OPRM1: variants seen among roughly 807,000 people sequenced by gnomAD.
OPRM1 encodes the protein opioid receptor mu 1.
OPRM1 carries 27 observed loss-of-function variants against 31.8 expected under a neutral mutation model. That is an observed-to-expected ratio of 0.85 (90% CI 0.63 to 1.17). OPRM1 has a LOEUF of 1.17. Ranked by LOEUF, OPRM1 falls within the 50% of genes most tolerant of loss-of-function variation. The pLI is 0.00. For synonymous variants in OPRM1, 196 were observed against 189.9 expected, an observed-to-expected ratio of 1.03 and a Z score of -0.26; for missense variants, 536 against 511.1, an observed-to-expected ratio of 1.05 and a Z score of -0.47.
intron 1 of OPRM1, among the ~76,000 whole-genome samples, chr6:154,071,545 CT>C (rs1408260599): frequency 6.6e-6 from 1 of 150,870 alleles, no homozygotes; most frequent in Non-Finnish European, 1.5e-5. Context: ...AGGAATATCC[CT>C]GTAGTTTTAA....
At chr6:154,137,050 T>C (rs1350662391), downstream of OPRM1, among the ~76,000 whole-genome samples, 1 of 152,184 alleles carries the variant, frequency 6.6e-6, no homozygotes, top group African/African-American at 2.4e-5. Flanking sequence ...ACGACAACCT[T>C]AGACAGTAAT....
At chr6:154,244,803 C>T (rs545892025) in intron 3 of OPRM1, among the ~76,000 whole-genome samples, 4 of 152,290 alleles carry the variant, frequency 2.6e-5, no homozygotes, top group South Asian at 2.1e-4. Flanking sequence ...ATTTGATTCC[C>T]GGAGAAGATG....
chr6:154,059,924 T>C (rs180678675), intron 1 of OPRM1, among the ~76,000 whole-genome samples: 67 of 152,334 alleles, frequency 4.4e-4, no homozygotes, highest in African/African-American at 1.6e-3. Context: ...TTTAATTATT[T>C]TGATGCAAAG....
chr6:154,125,524 A>G lies in OPRM1; in HGVS notation c.*6803A>G, dbSNP rs539659566. Among the ~76,000 whole-genome samples, 18 of 152,352 alleles carry G rather than the reference A, an allele frequency of 1.2e-4. No homozygotes were observed. Among genetic ancestry groups the G allele is most frequent in the Admixed American group, 3.3e-4 (5 of 15,304 alleles). ...GTTTTAGGTTTTAGAGAGAGAGCAC[A>G]GAGTCCCTTTGAGACAGTGGGGAAA... On this transcript the variant is annotated 3_prime_UTR_variant, in exon 4 of 4. Coordinates refer to ENST00000330432, the MANE Select transcript of OPRM1 (RefSeq NM_000914.5).
intron 3 of OPRM1, among the ~76,000 whole-genome samples, chr6:154,225,508 T>C (rs903996642): frequency 6.6e-6 from 1 of 152,230 alleles, no homozygotes; most frequent in Non-Finnish European, 1.5e-5. Flanking sequence ...ATCTCTCGTA[T>C]GATTCAATTT....
chr6:154,143,859 G>GA (rs1798286059), intron 3 of OPRM1, among the ~76,000 whole-genome samples: 1 of 151,872 alleles, frequency 6.6e-6, no homozygotes, highest in Non-Finnish European at 1.5e-5. Flanking sequence ...AAACAATAGA[G>GA]AAAATCACTA....
chr6:154,167,974 A>G (rs1219643650), intron 3 of OPRM1: 1 of 1,609,508 alleles, frequency 6.2e-7, no homozygotes, highest in Admixed American at 1.7e-5. Flanking sequence ...TTATAGATGG[A>G]TTTTTACACC....
Position 154,039,279 on chromosome 6 carries a change from C to T in OPRM1, c.-266C>T. On this transcript the variant is annotated 5_prime_UTR_variant, in exon 1 of 4. Transcript: ENST00000330432. The stretch of plus-strand genomic sequence containing the variant: ...GCCTCCGAATCCCGCATGGCCCACG[C>T]TCCCCTCCTGCAGCGGTGCGGGGCA... 1.9e-6 allele frequency: 3 copies of T among 1,551,576 alleles called. No individual in the cohort carries two copies. The highest frequency in any genetic ancestry group is 2.6e-6 in the Non-Finnish European group (3 of 1,146,926).
chr6:154,214,915 G>C (rs1482333039), intron 3 of OPRM1, among the ~76,000 whole-genome samples: 1 of 152,154 alleles, frequency 6.6e-6, no homozygotes, highest in Non-Finnish European at 1.5e-5. Context: ...ACTCAAACTT[G>C]GCTTATCACT....
intron 1 of OPRM1, among the ~76,000 whole-genome samples, chr6:154,084,741 G>A (rs1790088939): frequency 6.6e-6 from 1 of 152,074 alleles, no homozygotes; most frequent in African/African-American, 2.4e-5. Context: ...TATAAAAGGG[G>A]CTTGTTGAAT....
chr6:154,056,358 A>G (rs1477769363), intron 1 of OPRM1, among the ~76,000 whole-genome samples: 4 of 151,768 alleles, frequency 2.6e-5, no homozygotes, highest in Non-Finnish European at 5.9e-5. Context: ...TCTTGACCTC[A>G]TAATCCGCCC....
At chr6:154,101,804 T>C (rs1340848229) in intron 3 of OPRM1, among the ~76,000 whole-genome samples, 2 of 152,180 alleles carry the variant, frequency 1.3e-5, no homozygotes, top group African/African-American at 4.8e-5. Context: ...TTAAGAAAAT[T>C]TGTGTAAATA....
rs549315731 is a variant in OPRM1 at position 154,128,482 on chromosome 6, G to A, written c.*9761G>A. On this transcript the variant is annotated 3_prime_UTR_variant, in exon 4 of 4. Coordinates refer to ENST00000330432, the MANE Select transcript of OPRM1 (RefSeq NM_000914.5). ...TGAAGTCTAAGAACTGGGACAGTCCGTTGAGGATCCTTGTGCCAGGATGTA... is the reference window on the plus strand; with the variant it reads ...TGAAGTCTAAGAACTGGGACAGTCCATTGAGGATCCTTGTGCCAGGATGTA... Among the ~76,000 whole-genome samples the A allele has an allele frequency of 1.1e-4, 16 of 152,300 alleles. No homozygotes were observed. In the Middle Eastern group the frequency reaches 0.024, roughly 227 times the overall value.
intron 3 of OPRM1, among the ~76,000 whole-genome samples, chr6:154,112,737 A>T (rs962434853): frequency 9.2e-5 from 14 of 152,230 alleles, no homozygotes. Context: ...AACCTAGAAT[A>T]TTCTTGGCTG....
intron 3 of OPRM1, 56 bp downstream of exon 3, chr6:154,091,528 G>A: frequency 1.3e-6 from 2 of 1,540,686 alleles, no homozygotes; most frequent in Non-Finnish European, 1.7e-6. Context: ...AAATTATAAG[G>A]CTTTGTGCTA....
chr6:154,085,107 T>C (rs766632157), intron 1 of OPRM1, among the ~76,000 whole-genome samples: 34 of 152,356 alleles, frequency 2.2e-4, no homozygotes, highest in South Asian at 4.1e-4. Context: ...TTATTTAGTC[T>C]GGCTTCACTT....
chr6:154,164,268 G>C (rs547490175), intron 3 of OPRM1, among the ~76,000 whole-genome samples: 1 of 152,140 alleles, frequency 6.6e-6, no homozygotes, highest in Non-Finnish European at 1.5e-5. Context: ...TTTAGAACAG[G>C]GTCTCTTCAA....
chr6:154,212,414 T>G (rs1188457069), intron 3 of OPRM1, among the ~76,000 whole-genome samples: 4 of 152,230 alleles, frequency 2.6e-5, no homozygotes, highest in African/African-American at 9.6e-5. Context: ...TTATAGTACA[T>G]GCACATAGGC....
At chr6:154,032,489 G>A (rs926298029) in intron 1 of OPRM1, among the ~76,000 whole-genome samples, 70 of 152,292 alleles carry the variant, frequency 4.6e-4, no homozygotes, top group Admixed American at 2.4e-3. Flanking sequence ...AGGCTGGAGT[G>A]CAGTGGCACA....
Sources: allele counts gnomAD v4.1 joint callset (sites outside exome capture counted in the v4.1 genomes callset), GRCh38; gene constraint gnomAD v4.1.1; transcripts MANE v1.5; gene names NCBI Gene and HGNC (gene_info 2026-07-23, HGNC 2026-07-21).